Variants in ANO9 observed in about 807,000 individuals in gnomAD.
ANO9 encodes the protein anoctamin-9.
Under a neutral mutation model 100.5 loss-of-function variants are expected in ANO9, and 80 were observed. The observed-to-expected ratio is 0.80, with a 90% CI of 0.66 to 0.96. ANO9 has a LOEUF of 0.96. Among genes scored for constraint, ANO9 ranks in the 40% least tolerant of loss-of-function variants. The pLI, the probability that ANO9 is intolerant of heterozygous loss-of-function variation, is 0.00. For missense variants in ANO9, 1,064 were observed against 1,072.7 expected, an observed-to-expected ratio of 0.99 and a Z score of 0.11; for synonymous variants, 473 against 435.6, an observed-to-expected ratio of 1.09 and a Z score of -1.07.
In ANO9 at chr11:421,072, A is replaced by G; in HGVS notation, c.1393-30T>C. 1 of 1,592,018 alleles carries G rather than the reference A, an allele frequency of 6.3e-7. No homozygotes were observed. The highest frequency in any genetic ancestry group is 1.7e-5 in the Admixed American group (1 of 59,284). ...GGGGCCAGACAGGAGGAGATCAGGG[A>G]GGGGTCCTGGGGGACGGTCAGGGGA... On this transcript the variant is annotated intron_variant, in intron 16 of 22. Coordinates refer to ENST00000332826, the MANE Select transcript of ANO9 (RefSeq NM_001012302.3). This position sits in a 1 kb window ranked among gnomAD's most constrained non-coding sequence, Gnocchi z 6.8.
Position 441,996 on chromosome 11 carries a change from T to C in ANO9, c.-70A>G. Reference sequence around the variant, plus strand: ...AGTGGCTGCCAGCGGCGGGTGCTCCTACCTGACTTCCGCGTGGGGCTCGCC... The same window carrying C: ...AGTGGCTGCCAGCGGCGGGTGCTCCCACCTGACTTCCGCGTGGGGCTCGCC... On this transcript the variant is annotated 5_prime_UTR_variant, in exon 1 of 23. Coordinates refer to ENST00000332826, the MANE Select transcript of ANO9 (RefSeq NM_001012302.3). 6.3e-7 allele frequency: 1 copy of C among 1,574,934 alleles called. No homozygotes were observed. The highest frequency in any genetic ancestry group is 8.6e-7 in the Non-Finnish European group (1 of 1,167,576).
At chr11:428,870 C>T (rs1282707430) in intron 11 of ANO9, 44 bp from the exon 12 acceptor site, 5 of 1,577,812 alleles carry the variant, frequency 3.2e-6, no homozygotes, top group Non-Finnish European at 4.3e-6. Flanking sequence ...GACACTCACC[C>T]CACATGTGGG....
chr11:433,374 G>A lies in ANO9; in HGVS notation c.290C>T (p.Pro97Leu). The A allele has an allele frequency of 6.2e-7, 1 of 1,613,108 alleles. No individual in the cohort carries two copies. Among genetic ancestry groups the A allele is most frequent in the Non-Finnish European group, 8.5e-7 (1 of 1,179,882 alleles). ...CTCGGCGTGGGGGGCAGGCCCCTCAGGCTCCAGGAGGAGAGTGCGGTACAG... is the reference window on the plus strand; with the variant it reads ...CTCGGCGTGGGGGGCAGGCCCCTCAAGCTCCAGGAGGAGAGTGCGGTACAG... ...FGLYRTLLLEPEGPAPHAELA... is the reference protein window; with the variant it reads ...FGLYRTLLLELEGPAPHAELA... The change falls in exon 4 of 23, where the codon CCT (proline) becomes CTT (leucine). Residue 97 changes from proline to leucine, a missense_variant. Physicochemically the swap from Pro to Leu is moderately conservative, Grantham distance 98. Transcript: ENST00000332826.
At chr11:429,911 G>A (rs1459497503) in intron 9 of ANO9, 93 bp from the exon 10 acceptor site, 1 of 1,260,784 alleles carries the variant, frequency 7.9e-7, no homozygotes, top group South Asian at 1.4e-5. Flanking sequence ...CCGGGGAAGG[G>A]GGCAGGTGGG....
chr11:428,432 CG>C, intron 13 of ANO9, 38 bp from the exon 14 acceptor site: 1 of 1,612,576 alleles, frequency 6.2e-7, no homozygotes, highest in Non-Finnish European at 8.5e-7. Flanking sequence ...ACTGGGGCTC[CG>C]GTGGACCCCC....
chr11:419,240 A>C, intron 20 of ANO9: 1 of 1,424,282 alleles, frequency 7.0e-7, no homozygotes, highest in Non-Finnish European at 9.1e-7. Context: ...CCCAGTCTGC[A>C]GTTTGGTGGC....
At chr11:420,673 C>A in intron 18 of ANO9, 45 bp downstream of exon 18, 2 of 1,601,324 alleles carry the variant, frequency 1.2e-6, no homozygotes, top group Non-Finnish European at 1.7e-6. Context: ...GGACCCCCGC[C>A]CCGCATTCGT....
intron 2 of ANO9, 34 bp downstream of exon 2, chr11:433,990 A>G (rs750946545): frequency 3.4e-5 from 52 of 1,551,078 alleles, no homozygotes; most frequent in Non-Finnish European, 4.4e-5. Flanking sequence ...GAGCAGGGCC[A>G]GGTGGGGCCC....
intron 3 of ANO9, 41 bp from the exon 4 acceptor site, chr11:433,500 C>T (rs1177108803): frequency 2.5e-6 from 4 of 1,593,794 alleles, no homozygotes; most frequent in Non-Finnish European, 3.4e-6. Flanking sequence ...TCAGAACCCT[C>T]CCCGCTCTAT....
rs1848667154 is a variant in ANO9, at chr11:428,564, C to T, written c.1096G>A (p.Ala366Thr). The T allele has an allele frequency of 6.2e-7, 1 of 1,612,570 alleles. No homozygotes were observed. The highest frequency in any genetic ancestry group is 8.5e-7 in the Non-Finnish European group (1 of 1,179,924). Residue 366 changes from alanine to threonine, a missense_variant, in exon 13 of 23, where the codon GCC (alanine) becomes ACC (threonine). Coordinates refer to ENST00000332826, the MANE Select transcript of ANO9 (RefSeq NM_001012302.3). Reference protein sequence around the residue: ...VLASALFSSSAVPFLEEQVTT... With the variant: ...VLASALFSSSTVPFLEEQVTT... The stretch of plus-strand genomic sequence containing the variant: ...ACCTGCTCCTCCAGGAAGGGCACGG[C>T]CGAGCTGCTGAAGAGCGCGGAGGCC...
At chr11:426,503 T>C (rs1590442518) in intron 15 of ANO9, among the ~76,000 whole-genome samples, 1 of 152,028 alleles carries the variant, frequency 6.6e-6, no homozygotes, top group Admixed American at 6.6e-5. Context: ...AACCAGGAGT[T>C]TGAGGCTGTA....
chr11:434,395 C>T (rs2133707730), intron 1 of ANO9, among the ~76,000 whole-genome samples: 1 of 152,308 alleles, frequency 6.6e-6, no homozygotes, highest in East Asian at 1.9e-4. Flanking sequence ...CGCTGAGCAG[C>T]CCACAGGGGA....
At position 432,121 on chromosome 11, in the gene ANO9, C is replaced by T. The variant is rs1359312273; in HGVS notation, c.351-67G>A. ...ACCCTGCCTCCAGGTCTCAACCTGCCCTCTGGTCTGGCCAGGCCCAGGCCC... is the reference window on the plus strand; with the variant it reads ...ACCCTGCCTCCAGGTCTCAACCTGCTCTCTGGTCTGGCCAGGCCCAGGCCC... On this transcript the variant is annotated intron_variant, in intron 4 of 22. Coordinates refer to ENST00000332826, the MANE Select transcript of ANO9 (RefSeq NM_001012302.3). This position sits in a 1 kb window ranked among gnomAD's most constrained non-coding sequence, Gnocchi z 4.8. 75 of 1,573,300 alleles carry T rather than the reference C, an allele frequency of 4.8e-5. 1 individual carries two copies. The East Asian group carries it at 1.4e-3, about 28-fold the overall frequency.
rs1050842772 is a variant in ANO9, at chr11:422,693, C to G, written c.1335-1495G>C. Among the ~76,000 whole-genome samples the G allele has an allele frequency of 6.6e-6, 1 of 152,202 alleles. No homozygotes were observed. Among genetic ancestry groups the G allele is most frequent in the Non-Finnish European group, 1.5e-5 (1 of 68,036 alleles). ...TTAGTTTTCACCCAGTGGGACTCAT[C>G]TAGGACTTGTGGCCTGCAGAACTGG... On this transcript the variant is annotated intron_variant, in intron 15 of 22. Transcript: ENST00000332826. This position sits in a 1 kb window ranked among gnomAD's most constrained non-coding sequence, Gnocchi z 4.3.
intron 20 of ANO9, chr11:419,291 G>T: frequency 1.4e-6 from 2 of 1,411,012 alleles, no homozygotes; most frequent in Non-Finnish European, 9.2e-7. Context: ...AAGAGGACAT[G>T]CGGAACCTCA....
rs1375521849 is a variant in ANO9 at position 418,504 on chromosome 11, T to G, written c.2216A>C (p.Lys739Thr). The part of the protein sequence containing the change: ...QSVKNKVLEV[K>T]YQRLREKMWH... ...CATCTTCTCACGCAGCCTCTGGTACTTCACCTCCAGAACCTTGTTCTTCAC... is the reference window on the plus strand; with the variant it reads ...CATCTTCTCACGCAGCCTCTGGTACGTCACCTCCAGAACCTTGTTCTTCAC... The change falls in exon 23 of 23, where the codon AAG becomes ACG. Residue 739 changes from lysine to threonine, a missense_variant. By Grantham distance (78) the Lys-to-Thr change is moderately conservative. Transcript: ENST00000332826. 1.9e-6 allele frequency: 3 copies of G among 1,613,104 alleles called. No individual in the cohort carries two copies. Among genetic ancestry groups the G allele is most frequent in the Non-Finnish European group, 1.7e-6 (2 of 1,180,016 alleles).
Position 420,811 on chromosome 11 carries a change from G to C in ANO9, c.1540C>G (p.Leu514Val). Residue 514 changes from leucine to valine, a missense_variant, in exon 18 of 23, where the codon CTG (leucine) becomes GTG (valine). Transcript: ENST00000332826. ...TCCCTGAGCTCGGGGTCCCGGGGCA[G>C]GTGCCCGGACTCGGAGGCCCGCAGA... The part of the protein sequence containing the change: ...RSLRASESGH[L>V]PRDPELRDWR... The C allele has an allele frequency of 1.3e-6, 2 of 1,594,668 alleles. No individual in the cohort carries two copies. Among genetic ancestry groups the C allele is most frequent in the Non-Finnish European group, 1.7e-6 (2 of 1,173,994 alleles).
At chr11:427,404 T>C (rs1848582761) in intron 15 of ANO9, among the ~76,000 whole-genome samples, 1 of 152,084 alleles carries the variant, frequency 6.6e-6, no homozygotes, top group Non-Finnish European at 1.5e-5. Flanking sequence ...TCCTAATTAG[T>C]GAAATGAGTC....
chr11:436,622 G>A (rs577734660), intron 1 of ANO9, among the ~76,000 whole-genome samples: 1 of 150,250 alleles, frequency 6.7e-6, no homozygotes, highest in Non-Finnish European at 1.5e-5. Flanking sequence ...GGTGAGCAGG[G>A]AGTGAGCAGG....
Sources: allele counts gnomAD v4.1 joint callset (sites outside exome capture counted in the v4.1 genomes callset), GRCh38; gene constraint gnomAD v4.1.1; non-coding constraint Gnocchi (gnomAD v3.1); transcripts MANE v1.5; gene names NCBI Gene and HGNC (gene_info 2026-07-23, HGNC 2026-07-21).